NCALD: variants seen among roughly 807,000 people sequenced by gnomAD.
The protein encoded by NCALD is neurocalcin delta, also known as neurocalcin-delta.
NCALD carries 10 observed loss-of-function variants against 18.6 expected under a neutral mutation model. The observed-to-expected ratio is 0.54, with a 90% CI of 0.33 to 0.91. The LOEUF (loss-of-function observed/expected upper bound fraction) is 0.91, where lower values mean the gene tolerates loss of function less well. Ranked by LOEUF, NCALD falls within the 40% of genes least tolerant of loss-of-function variation. The probability of loss-of-function intolerance (pLI) is 0.03; values close to 1 mark genes in which losing one functional copy is unlikely to be tolerated. For missense variants in NCALD, 184 were observed against 247.6 expected, an observed-to-expected ratio of 0.74 and a Z score of 1.72; for synonymous variants, 88 against 87.4, an observed-to-expected ratio of 1.01 and a Z score of -0.04.
chr8:101,891,945 C>T (rs533218072), intron 3 of NCALD, among the ~76,000 whole-genome samples: 17 of 152,304 alleles, frequency 1.1e-4, no homozygotes, highest in African/African-American at 3.4e-4. Flanking sequence ...GAGGGGCGCC[C>T]GCAATTGCCC....
intron 1 of NCALD, among the ~76,000 whole-genome samples, chr8:101,752,377 T>C (rs571385249): frequency 1.1e-4 from 17 of 152,302 alleles, no homozygotes; most frequent in African/African-American, 4.1e-4. Context: ...AATTAAAAAC[T>C]AACAGAGAAA....
chr8:101,933,383 T>C (rs1818647039), intron 2 of NCALD, among the ~76,000 whole-genome samples: 2 of 152,172 alleles, frequency 1.3e-5, no homozygotes, highest in South Asian at 2.1e-4. Flanking sequence ...AGCTGAGGCA[T>C]GCCAGCAGCC....
intron 2 of NCALD, among the ~76,000 whole-genome samples, chr8:101,943,982 A>AC (rs750690575): frequency 0.023 from 3,484 of 150,776 alleles, 94 homozygotes; most frequent in African/African-American, 0.058. Flanking sequence ...AAACAAACAA[A>AC]AAAAAACAGA....
chr8:101,756,429 A>C (rs1379132687), intron 1 of NCALD, among the ~76,000 whole-genome samples: 3 of 152,190 alleles, frequency 2.0e-5, no homozygotes, highest in African/African-American at 7.2e-5. Flanking sequence ...ATGGATAGGC[A>C]ATGAGTATCA....
At chr8:101,911,680 A>T (rs1384803726) in intron 3 of NCALD, among the ~76,000 whole-genome samples, 2 of 152,024 alleles carry the variant, frequency 1.3e-5, no homozygotes, top group Non-Finnish European at 2.9e-5. Context: ...TCTTAATTAA[A>T]TTACTGCAAT....
chr8:101,874,757 G>T (rs1816161109), intron 4 of NCALD, among the ~76,000 whole-genome samples: 2 of 152,022 alleles, frequency 1.3e-5, no homozygotes, highest in Non-Finnish European at 2.9e-5. Flanking sequence ...CAAATTCCTG[G>T]CCTCAAGTGA....
chr8:101,839,303 A>T (rs866654742), intron 4 of NCALD, among the ~76,000 whole-genome samples: 2 of 152,040 alleles, frequency 1.3e-5, no homozygotes, highest in Admixed American at 6.5e-5. Flanking sequence ...GAAAAAAAAA[A>T]GCTGTATGTC....
intron 1 of NCALD, among the ~76,000 whole-genome samples, chr8:101,744,060 G>A (rs188023437): frequency 3.5e-4 from 54 of 152,300 alleles, no homozygotes; most frequent in Admixed American, 7.8e-4. Context: ...TTGGTGGAAC[G>A]AACCAAAGAC....
Position 101,688,581 on chromosome 8 carries a change from TTTTTA to T in NCALD, c.*723_*727del, listed in dbSNP as rs139825708. On this transcript the variant is annotated 3_prime_UTR_variant, in exon 4 of 4. Coordinates refer to ENST00000220931, the MANE Select transcript of NCALD (RefSeq NM_032041.3). ...ACCCAATATGTTATATACAGCCGTC[TTTTTA>T]TTTTATCACAATAGGCAACAAGATG... is the stretch of plus-strand genomic sequence containing the variant. 0.022 allele frequency: 9,715 copies of T among 448,100 alleles called. 303 individuals are homozygous for T. The highest frequency in any genetic ancestry group is 0.1 in the African/African-American group (4,954 of 49,448). The allele number at this position is 448,100 out of a possible 1,614,324, so 27.8% of individuals were successfully genotyped here.
rs1231621923 is a variant in NCALD, at chr8:101,921,895, C to T, written c.-156-6037G>A. Among the ~76,000 whole-genome samples, 3 of 151,362 alleles carry T rather than the reference C, an allele frequency of 2.0e-5. No homozygotes were observed. The East Asian group carries it at 5.8e-4, about 29-fold the overall frequency. ...TGTGAAATAATTTTTATGTATATTC[C>T]TTCATCTCAAAGTTATATTTTTGAC... On this transcript the variant is annotated intron_variant, in intron 2 of 6. Transcript: ENST00000311028.
In NCALD at chr8:101,688,592, T is replaced by C. The variant is rs1369867857; in HGVS notation, c.*717A>G. ...TATATACAGCCGTCTTTTTATTTTA[T>C]CACAATAGGCAACAAGATGGGTCTG... is the stretch of plus-strand genomic sequence containing the variant. On this transcript the variant is annotated 3_prime_UTR_variant, in exon 4 of 4. Coordinates refer to ENST00000220931, the MANE Select transcript of NCALD (RefSeq NM_032041.3). The C allele has an allele frequency of 6.7e-6, 3 of 450,894 alleles. No homozygotes were observed. Among genetic ancestry groups the C allele is most frequent in the African/African-American group, 6.1e-5 (3 of 49,342 alleles). 27.9% of individuals were successfully genotyped at this position (450,894 alleles called of 1,614,324 possible).
intron 2 of NCALD, among the ~76,000 whole-genome samples, chr8:101,956,281 C>T (rs191742870): frequency 2.0e-5 from 3 of 152,262 alleles, no homozygotes; most frequent in African/African-American, 7.2e-5. Context: ...AGGCTGGTTA[C>T]ATGCCAAGCA....
intron 1 of NCALD, among the ~76,000 whole-genome samples, chr8:102,081,568 A>ACAAAAAAAAAAAACAAACAAAC (rs1824534800): frequency 1.1e-4 from 9 of 81,344 alleles, no homozygotes; most frequent in African/African-American, 8.3e-4. Context: ...AAAAAAAAAA[A>ACAAAAAAAAAAAACAAACAAAC]AAAAAAAACC....
chr8:101,787,539 C>T (rs1184534574), intron 1 of NCALD, among the ~76,000 whole-genome samples: 1 of 152,178 alleles, frequency 6.6e-6, no homozygotes, highest in African/African-American at 2.4e-5. Flanking sequence ...AGCTGACCAA[C>T]TGCAAAGTTA....
intron 2 of NCALD, among the ~76,000 whole-genome samples, chr8:101,949,775 C>CA (rs11433689): frequency 0.55 from 81,864 of 148,278 alleles, 22,269 homozygotes; most frequent in Admixed American, 0.62. Context: ...CAGGTTGAGA[C>CA]AAAAAAAAAA....
chr8:101,979,659 T>C (rs1035017623), intron 2 of NCALD, among the ~76,000 whole-genome samples: 1 of 152,248 alleles, frequency 6.6e-6, no homozygotes, highest in Admixed American at 6.5e-5. Context: ...CAATCTCTTC[T>C]TCTTCCTGGA....
intron 2 of NCALD, among the ~76,000 whole-genome samples, chr8:102,003,512 C>A: frequency 6.6e-6 from 1 of 152,202 alleles, no homozygotes; most frequent in Non-Finnish European, 1.5e-5. Flanking sequence ...AAGAGGGAAT[C>A]CTCCCTAACT....
intron 2 of NCALD, among the ~76,000 whole-genome samples, chr8:101,697,669 T>C (rs906484363): frequency 5.3e-5 from 8 of 152,110 alleles, no homozygotes; most frequent in Non-Finnish European, 1.0e-4. Context: ...TAATCCATCA[T>C]ATAAACAGAA....
intron 1 of NCALD, among the ~76,000 whole-genome samples, chr8:102,106,836 C>T (rs991677933): frequency 9.2e-5 from 14 of 152,086 alleles, no homozygotes; most frequent in African/African-American, 3.1e-4. Flanking sequence ...TTCTGTCTTT[C>T]GGTATGTAGA....
Sources: gnomAD v4.1 joint callset for allele counts (sites outside exome capture counted in the v4.1 genomes callset) on GRCh38, gnomAD v4.1.1 for gene constraint, MANE v1.5 for transcripts, NCBI Gene and HGNC (gene_info 2026-07-23, HGNC 2026-07-21) for gene names.